Variants in CRTC1 observed in about 807,000 individuals in gnomAD.
The protein encoded by CRTC1 is CREB-regulated transcription coactivator 1.
CRTC1 carries 18 observed loss-of-function variants against 66.1 expected under a neutral mutation model. That is an observed-to-expected ratio of 0.27 (90% CI 0.19 to 0.40). The LOEUF (loss-of-function observed/expected upper bound fraction) is 0.40, where lower values mean the gene tolerates loss of function less well. Among genes scored for constraint, CRTC1 ranks in the 10% least tolerant of loss-of-function variants. CRTC1 has a pLI of 1.00. For missense variants in CRTC1, 669 were observed against 887.9 expected, an observed-to-expected ratio of 0.75 and a Z score of 3.13; for synonymous variants, 416 against 398.8, an observed-to-expected ratio of 1.04 and a Z score of -0.51.
chr19:18,732,286 TC>T (rs2053907731), intron 1 of CRTC1, among the ~76,000 whole-genome samples: 1 of 152,110 alleles, frequency 6.6e-6, no homozygotes, highest in Non-Finnish European at 1.5e-5. Context: ...GGGGTCCCGA[TC>T]TCTAGGATTG....
chr19:18,694,401 A>T (rs113525103), intron 1 of CRTC1, among the ~76,000 whole-genome samples: 1 of 152,078 alleles, frequency 6.6e-6, no homozygotes, highest in African/African-American at 2.4e-5. Flanking sequence ...TCTGTAAGCT[A>T]CGTCTCTTTA....
rs770195653 is a variant in CRTC1 at position 18,777,501 on chromosome 19, C to G, written c.*119C>G. ...TGTGATTCTGAGCTTGCAATGCCGCCAAGCGCCCCCCGCCAGCCCGCCCCC... is the reference window on the plus strand; with the variant it reads ...TGTGATTCTGAGCTTGCAATGCCGCGAAGCGCCCCCCGCCAGCCCGCCCCC... On this transcript the variant is annotated 3_prime_UTR_variant, in exon 14 of 14. Transcript: ENST00000321949. This position sits in a 1 kb window ranked among gnomAD's most constrained non-coding sequence, Gnocchi z 5.5. 3 of 971,078 alleles carry G rather than the reference C, an allele frequency of 3.1e-6. No individual in the cohort carries two copies. Among genetic ancestry groups the G allele is most frequent in the Non-Finnish European group, 4.8e-6 (3 of 627,146 alleles). 60.2% of individuals were successfully genotyped at this position (971,078 alleles called of 1,614,324 possible).
chr19:18,744,217 C>G (rs1051236146), intron 2 of CRTC1: 18 of 1,516,080 alleles, frequency 1.2e-5, no homozygotes, highest in Non-Finnish European at 1.4e-5. Flanking sequence ...GACCCCGACC[C>G]GTGTGCGGGC....
intron 11 of CRTC1, among the ~76,000 whole-genome samples, chr19:18,773,337 C>T (rs2054912222): frequency 6.6e-6 from 1 of 152,184 alleles, no homozygotes; most frequent in African/African-American, 2.4e-5. Context: ...TAGCCAGGCC[C>T]TGGGCCACAG....
At chr19:18,753,800 C>G (rs529847527) in intron 6 of CRTC1, among the ~76,000 whole-genome samples, 1 of 152,110 alleles carries the variant, frequency 6.6e-6, no homozygotes, top group South Asian at 2.1e-4. Flanking sequence ...GCCGGAACTG[C>G]ACAAAAATTA....
rs2055070591 is a variant in CRTC1, at chr19:18,779,902, C to T, written c.*2520C>T. ...GCCCAGCCAGGAGCCAGCAGCCAGG[C>T]GTCCCTGTGTTCCAGAAGGATTCAC... On this transcript the variant is annotated 3_prime_UTR_variant, in exon 14 of 14. Coordinates refer to ENST00000321949, the MANE Select transcript of CRTC1 (RefSeq NM_015321.3). 3 of 228,916 alleles carry T rather than the reference C, an allele frequency of 1.3e-5. No homozygotes were observed. Among genetic ancestry groups the T allele is most frequent in the Admixed American group, 5.7e-5 (1 of 17,654 alleles). 14.2% of individuals were successfully genotyped at this position (228,916 alleles called of 1,614,324 possible). A position where few individuals can be genotyped will look rare whatever the true frequency, so the allele number is the denominator to read the frequency against.
intron 1 of CRTC1, among the ~76,000 whole-genome samples, chr19:18,688,450 G>GT (rs1281010402): frequency 6.6e-6 from 1 of 150,382 alleles, no homozygotes; most frequent in Non-Finnish European, 1.5e-5. Context: ...TTGTTTGTTT[G>GT]TTTTTTTGAG....
chr19:18,725,313 T>G (rs1189505137), intron 1 of CRTC1, among the ~76,000 whole-genome samples: 3 of 152,146 alleles, frequency 2.0e-5, no homozygotes, highest in African/African-American at 7.2e-5. Flanking sequence ...TTAGGTGGCT[T>G]GATCCATCTC....
In CRTC1 at chr19:18,771,064, G is replaced by C. The variant is rs930371918; in HGVS notation, c.1321-378G>C. ...TGCATGTGTGGGTATGTATATTCTAGTGTGGATATGTGTACACGTGGGTAT... is the reference window on the plus strand; with the variant it reads ...TGCATGTGTGGGTATGTATATTCTACTGTGGATATGTGTACACGTGGGTAT... On this transcript the variant is annotated intron_variant, in intron 10 of 13. Transcript: ENST00000321949. This position sits in a 1 kb window ranked among gnomAD's most constrained non-coding sequence, Gnocchi z 4.6. Among the ~76,000 whole-genome samples the C allele has an allele frequency of 3.4e-4, 52 of 152,194 alleles. No homozygotes were observed. The highest frequency in any genetic ancestry group is 1.3e-3 in the African/African-American group (52 of 41,516).
Position 18,760,060 on chromosome 19 carries a change from C to T in CRTC1, c.718C>T (p.His240Tyr). ...CACTACAGCCCTGATCCCCGCCACC[C>T]ACAACACAGGGGGGTCCCTGCCCGA... ...ENTTALIPAT[H>Y]NTGGSLPDLT... Residue 240 changes from histidine (H) to tyrosine (Y), a missense_variant, in exon 8 of 14, where the codon CAC (histidine) becomes TAC (tyrosine). Transcript: ENST00000321949. The surrounding 1 kb of genome is among the most constrained non-coding windows in gnomAD (Gnocchi z 6.2). 1 of 1,612,412 alleles carries T rather than the reference C, an allele frequency of 6.2e-7. No homozygotes were observed. Among genetic ancestry groups the T allele is most frequent in the Non-Finnish European group, 8.5e-7 (1 of 1,178,714 alleles).
chr19:18,760,040 C>T lies in CRTC1; in HGVS notation c.698C>T (p.Thr233Ile). The change falls in exon 8 of 14, where the codon ACA becomes ATA. Residue 233 changes from threonine to isoleucine, a missense_variant. By Grantham distance (89) the Thr-to-Ile change is moderately conservative. This residue lies in a region of CRTC1 where 214 missense variants were observed against 323.4 expected (regional missense o/e 0.66). Transcript: ENST00000321949. This position sits in a 1 kb window ranked among gnomAD's most constrained non-coding sequence, Gnocchi z 6.2. ...CCGTCTGCCGACCAGGAAAACACTACAGCCCTGATCCCCGCCACCCACAAC... is the reference window on the plus strand; with the variant it reads ...CCGTCTGCCGACCAGGAAAACACTATAGCCCTGATCCCCGCCACCCACAAC... ...IFPSADQENT[T>I]ALIPATHNTG... The T allele has an allele frequency of 1.5e-5, 24 of 1,603,502 alleles. No homozygotes were observed. Among genetic ancestry groups the T allele is most frequent in the Non-Finnish European group, 2.0e-5 (24 of 1,172,462 alleles).
At chr19:18,729,952 G>A (rs1207600011) in intron 1 of CRTC1, among the ~76,000 whole-genome samples, 1 of 152,072 alleles carries the variant, frequency 6.6e-6, no homozygotes, top group East Asian at 1.9e-4. Flanking sequence ...AGTGATTATG[G>A]TGGGGTCACG....
At chr19:18,713,998 C>T (rs962935437) in intron 1 of CRTC1, among the ~76,000 whole-genome samples, 8 of 152,128 alleles carry the variant, frequency 5.3e-5, no homozygotes, top group East Asian at 1.9e-4. Flanking sequence ...CTCCTGTGGG[C>T]GGCCCACGCT....
chr19:18,756,902 A>G (rs1314495725), intron 6 of CRTC1, among the ~76,000 whole-genome samples: 1 of 152,164 alleles, frequency 6.6e-6, no homozygotes, highest in Admixed American at 6.5e-5. Flanking sequence ...CTTTGCAGAA[A>G]TCCGGTAATG....
chr19:18,698,494 ACTCAGCAGGCG>A (rs777096049), intron 1 of CRTC1, among the ~76,000 whole-genome samples: 38 of 139,516 alleles, frequency 2.7e-4, no homozygotes, highest in East Asian at 2.6e-3. Context: ...CACAGTGTGT[ACTCAGCAGGCG>A]CTCAGCAGGC....
chr19:18,702,443 C>T (rs2053166299), intron 1 of CRTC1, among the ~76,000 whole-genome samples: 1 of 151,816 alleles, frequency 6.6e-6, no homozygotes, highest in Non-Finnish European at 1.5e-5. Flanking sequence ...CTACGCTGGT[C>T]TCAAACTCCT....
At chr19:18,733,505 C>T (rs1354766716) in intron 1 of CRTC1, among the ~76,000 whole-genome samples, 4 of 152,216 alleles carry the variant, frequency 2.6e-5, no homozygotes, top group Non-Finnish European at 4.4e-5. Flanking sequence ...TCTGTATTTA[C>T]ATGAGTGGAG....
At position 18,768,381 on chromosome 19, in the gene CRTC1, G is replaced by C. The variant is rs2054782020; in HGVS notation, c.1012-104G>C. On this transcript the variant is annotated intron_variant, in intron 9 of 13. Coordinates refer to ENST00000321949, the MANE Select transcript of CRTC1 (RefSeq NM_015321.3). This position sits in a 1 kb window ranked among gnomAD's most constrained non-coding sequence, Gnocchi z 5.6. ...GCCCAGGGGCTGCCTGTGATCACAG[G>C]GCCCTTCCACCTCGCCTGCTGAGCA... The C allele has an allele frequency of 1.1e-6, 1 of 918,110 alleles. No individual in the cohort carries two copies. The allele number at this position is 918,110 out of a possible 1,614,324, so 56.9% of individuals were successfully genotyped here.
intron 1 of CRTC1, among the ~76,000 whole-genome samples, chr19:18,727,385 T>G (rs1181399748): frequency 1.3e-5 from 2 of 151,602 alleles, no homozygotes; most frequent in Non-Finnish European, 2.9e-5. Flanking sequence ...ATCGAGACCA[T>G]CCTGGCTAAC....
Sources: allele counts gnomAD v4.1 joint callset (sites outside exome capture counted in the v4.1 genomes callset), GRCh38; gene constraint gnomAD v4.1.1; regional missense constraint gnomAD v4.1.1; non-coding constraint Gnocchi (gnomAD v3.1); transcripts MANE v1.5; gene names NCBI Gene and HGNC (gene_info 2026-07-23, HGNC 2026-07-21).